The following MYO9A variants were observed in gnomAD, a reference collection of about 807,000 sequenced individuals.
MYO9A encodes myosin IXA.
Under a neutral mutation model 293.3 loss-of-function variants are expected in MYO9A, and 103 were observed. That is an observed-to-expected ratio of 0.35 (90% CI 0.30 to 0.41). MYO9A has a LOEUF of 0.41. Ranked by LOEUF, MYO9A falls within the 10% of genes least tolerant of loss-of-function variation. The pLI, the probability that MYO9A is intolerant of heterozygous loss-of-function variation, is 1.00. For missense variants in MYO9A, 2,685 were observed against 3,033.0 expected (o/e 0.89, Z 2.69); for synonymous variants, 1,001 against 1,035.7 (o/e 0.97, Z 0.64).
At chr15:71,856,604 A>T (rs997718061) in intron 34 of MYO9A, among the ~76,000 whole-genome samples, 1 of 152,184 alleles carries the variant, frequency 6.6e-6, no homozygotes, top group African/African-American at 2.4e-5. Context: ...ATTTTAAATA[A>T]AGGAATAATC....
chr15:72,082,460 T>A (rs903253061), intron 1 of MYO9A, among the ~76,000 whole-genome samples: 1 of 152,210 alleles, frequency 6.6e-6, no homozygotes, highest in Non-Finnish European at 1.5e-5. Flanking sequence ...AGTCATGTCA[T>A]CTGCCAAGGA....
chr15:72,042,061 G>A (rs1234030452), intron 2 of MYO9A, among the ~76,000 whole-genome samples: 1 of 149,400 alleles, frequency 6.7e-6, no homozygotes, highest in Non-Finnish European at 1.5e-5. Flanking sequence ...AAAAATACGA[G>A]GAGAAAAGAC....
intron 20 of MYO9A, among the ~76,000 whole-genome samples, chr15:71,904,503 A>G (rs2057573985): frequency 6.6e-6 from 1 of 152,186 alleles, no homozygotes; most frequent in Non-Finnish European, 1.5e-5. Flanking sequence ...AAATACAAAA[A>G]TTAGCCGGGC....
chr15:72,037,608 C>T (rs1308867205), intron 2 of MYO9A, among the ~76,000 whole-genome samples: 1 of 152,076 alleles, frequency 6.6e-6, no homozygotes, highest in Non-Finnish European at 1.5e-5. Flanking sequence ...TCATAACTAA[C>T]CACTATAACT....
intron 1 of MYO9A, among the ~76,000 whole-genome samples, chr15:72,074,521 C>G (rs973280255): frequency 6.6e-6 from 1 of 152,186 alleles, no homozygotes. Context: ...ATGGTGAACA[C>G]AGGAATGAAT....
chr15:71,930,174 C>T (rs914128671), intron 18 of MYO9A, among the ~76,000 whole-genome samples: 1 of 152,134 alleles, frequency 6.6e-6, no homozygotes, highest in Non-Finnish European at 1.5e-5. Flanking sequence ...GTGTATTCTG[C>T]TGCTGTTGAC....
chr15:71,956,657 A>C (rs927113333), intron 14 of MYO9A, among the ~76,000 whole-genome samples: 5 of 150,238 alleles, frequency 3.3e-5, no homozygotes, highest in Non-Finnish European at 7.4e-5. Flanking sequence ...AAAAATATAT[A>C]TATCTATATA....
chr15:72,049,170 G>A (rs1408343268), intron 1 of MYO9A, among the ~76,000 whole-genome samples: 2 of 152,064 alleles, frequency 1.3e-5, no homozygotes, highest in African/African-American at 2.4e-5. Context: ...CACTTACTGA[G>A]AACATGTTTA....
intron 1 of MYO9A, among the ~76,000 whole-genome samples, chr15:72,075,293 C>T (rs1263349875): frequency 1.3e-5 from 2 of 151,782 alleles, no homozygotes; most frequent in Non-Finnish European, 2.9e-5. Flanking sequence ...ATTTAATATT[C>T]ACATATAATA....
rs377474158 is a variant in MYO9A at position 71,910,168 on chromosome 15, G to GTATATATATATATATATATATATATA, written c.2686-5163_2686-5162insTATATATATATATATATATATATATA. Among the ~76,000 whole-genome samples the GTATATATATATATATATATATATATA allele has an allele frequency of 2.3e-5, 3 of 128,304 alleles. No individual in the cohort carries two copies. The Admixed American group carries it at 2.6e-4, about 11-fold the overall frequency. The allele number at this position is 128,304 out of a possible 152,430, so 84.2% of individuals were successfully genotyped here. ...CGTGTGTGTGTATATATATATACGT[G>GTATATATATATATATATATATATATA]TATATATATATATAAAATCAGAAAC... On this transcript the variant is annotated intron_variant, in intron 19 of 41. Transcript: ENST00000356056.
At chr15:71,989,805 T>C (rs950719873) in intron 11 of MYO9A, among the ~76,000 whole-genome samples, 1 of 151,904 alleles carries the variant, frequency 6.6e-6, no homozygotes, top group Non-Finnish European at 1.5e-5. Flanking sequence ...GTGGGAGGAC[T>C]GCTTGAGCCT....
intron 15 of MYO9A, chr15:71,951,567 G>A (rs778245701): frequency 1.6e-5 from 8 of 485,272 alleles, no homozygotes; most frequent in Admixed American, 8.0e-5. Context: ...ATGATCACAG[G>A]CAAACAGAAA....
At position 71,830,091 on chromosome 15, in the gene MYO9A, T is replaced by C. The variant is rs2054657639; in HGVS notation, c.7040+18A>G. ...AAACAGACTATAACTGTCTCTCCCC[T>C]TCCTCCTGGATACTCACTTCTCCTT... On this transcript the variant is annotated intron_variant, in intron 40 of 41. Transcript: ENST00000356056. 3 of 1,611,696 alleles carry C rather than the reference T, an allele frequency of 1.9e-6. No individual in the cohort carries two copies. The highest frequency in any genetic ancestry group is 2.5e-6 in the Non-Finnish European group (3 of 1,178,282).
chr15:72,021,151 A>G, intron 4 of MYO9A, 134 bp from the exon 5 acceptor site: 1 of 572,914 alleles, frequency 1.7e-6, no homozygotes, highest in Admixed American at 4.0e-5. Context: ...AATGTGATAA[A>G]TTCAGCGTTT....
At chr15:71,872,323 T>A (rs1439043544) in intron 32 of MYO9A, among the ~76,000 whole-genome samples, 1 of 152,140 alleles carries the variant, frequency 6.6e-6, no homozygotes, top group Non-Finnish European at 1.5e-5. Context: ...ATCTCAAATA[T>A]TCCCAGATAA....
intron 8 of MYO9A, among the ~76,000 whole-genome samples, chr15:72,003,331 A>G (rs2076924566): frequency 6.6e-6 from 1 of 151,896 alleles, no homozygotes; most frequent in African/African-American, 2.4e-5. Flanking sequence ...AAAGAAAAAA[A>G]CTAAGAAACA....
At chr15:71,994,724 A>T in intron 9 of MYO9A, 139 bp from the exon 10 acceptor site, 2 of 554,362 alleles carry the variant, frequency 3.6e-6, no homozygotes. Context: ...TAAAAAATCT[A>T]TAACTAAAGT....
At chr15:72,077,337 C>A (rs2079384999) in intron 1 of MYO9A, among the ~76,000 whole-genome samples, 1 of 152,118 alleles carries the variant, frequency 6.6e-6, no homozygotes, top group East Asian at 1.9e-4. Flanking sequence ...AAAAGACAAG[C>A]CACAGACTGA....
chr15:71,962,544 AC>A (rs2075772093), intron 13 of MYO9A, among the ~76,000 whole-genome samples: 2 of 152,126 alleles, frequency 1.3e-5, no homozygotes, highest in African/African-American at 4.8e-5. Flanking sequence ...AATCCAAATA[AC>A]CTCTGACACC....
Sources: allele counts gnomAD v4.1 joint callset (sites outside exome capture counted in the v4.1 genomes callset), GRCh38; gene constraint gnomAD v4.1.1; transcripts MANE v1.5; gene names NCBI Gene and HGNC (gene_info 2026-07-23, HGNC 2026-07-21).